The following SEC14L2 variants were observed in gnomAD, a reference collection of about 807,000 sequenced individuals.
SEC14L2 encodes the protein SEC14 like lipid binding 2, also known as SEC14-like protein 2.
SEC14L2 carries 50 observed loss-of-function variants against 56.9 expected under a neutral mutation model. The observed-to-expected ratio is 0.88, with a 90% confidence interval of 0.70 to 1.11. The LOEUF is 1.11. Ranked by LOEUF, SEC14L2 falls within the 50% of genes most tolerant of loss-of-function variation. SEC14L2 has a pLI of 0.00. For synonymous variants in SEC14L2, 179 were observed against 188.5 expected (o/e 0.95, Z 0.41); for missense variants, 414 against 500.7 (o/e 0.83, Z 1.65).
intron 5 of SEC14L2, 31 bp from the exon 6 acceptor site, chr22:30,409,156 G>A: frequency 1.3e-6 from 2 of 1,598,520 alleles, no homozygotes; most frequent in Admixed American, 1.7e-5. Flanking sequence ...AGGACAGCCT[G>A]ACAAGACTTC....
Position 30,399,669 on chromosome 22 carries a change from G to A in SEC14L2, c.81G>A (p.Leu27=), listed in dbSNP as rs758994752. ...TTCGGGAGAATGTCCAGGATGTGCT[G>A]CCGGCCCTGCCGAATCCAGATGACT... is the stretch of plus-strand genomic sequence containing the variant. ...AKFRENVQDV[L]PALPNPDDYF... Residue 27 remains leucine (L), a synonymous_variant, in exon 2 of 12, where the codon CTG becomes CTA. Coordinates refer to ENST00000615189, the MANE Select transcript of SEC14L2 (RefSeq NM_012429.5). 1.1e-5 allele frequency: 17 copies of A among 1,613,782 alleles called. No homozygotes were observed. The highest frequency in any genetic ancestry group is 1.4e-5 in the Non-Finnish European group (16 of 1,179,916).
At chr22:30,408,827 G>T (rs1934168516) in intron 5 of SEC14L2, among the ~76,000 whole-genome samples, 1 of 152,216 alleles carries the variant, frequency 6.6e-6, no homozygotes, top group Non-Finnish European at 1.5e-5. Flanking sequence ...AGGGTTCAGG[G>T]TGCACAGAAC....
chr22:30,415,697 T>C (rs1828466402), intron 8 of SEC14L2, 62 bp from the exon 9 acceptor site: 1 of 1,448,920 alleles, frequency 6.9e-7, no homozygotes, highest in South Asian at 1.2e-5. Flanking sequence ...ACCACTAGGG[T>C]TATGGCGAAA....
At chr22:30,403,280 G>A (rs1044858369) in intron 2 of SEC14L2, among the ~76,000 whole-genome samples, 4 of 152,238 alleles carry the variant, frequency 2.6e-5, no homozygotes, top group East Asian at 1.9e-4. Context: ...GAGCAGGTCC[G>A]CAAGTCTCCT....
intron 11 of SEC14L2, among the ~76,000 whole-genome samples, chr22:30,419,658 AGT>A (rs1934466447): frequency 6.6e-6 from 1 of 152,212 alleles, no homozygotes; most frequent in Admixed American, 6.5e-5. Flanking sequence ...TACAGCAAAT[AGT>A]GTCTAAAATG....
Position 30,400,958 on chromosome 22 carries a change from A to G in SEC14L2, c.130+1240A>G, listed in dbSNP as rs1379256791. 8.4e-5 allele frequency among the ~76,000 whole-genome samples: 12 copies of G among 142,884 alleles called. No individual in the cohort carries two copies. In the Admixed American group the frequency reaches 8.5e-4, roughly 10 times the overall value. The allele number at this position is 142,884 out of a possible 152,430, so 93.7% of individuals were successfully genotyped here. On this transcript the variant is annotated intron_variant, in intron 2 of 11. Transcript: ENST00000615189. ...CTTTTTTTTTTTCTTTTTAGTAGAGACCTAGGTTTCACGTTGGCCAGGCTG... is the reference window on the plus strand; with the variant it reads ...CTTTTTTTTTTTCTTTTTAGTAGAGGCCTAGGTTTCACGTTGGCCAGGCTG...
At chr22:30,414,424 A>G (rs953603486) in intron 8 of SEC14L2, among the ~76,000 whole-genome samples, 1 of 152,032 alleles carries the variant, frequency 6.6e-6, no homozygotes, top group Non-Finnish European at 1.5e-5. Context: ...GAGGGGGGAG[A>G]TTCACTCGGG....
chr22:30,425,242 G>A lies in SEC14L2; in HGVS notation c.*2835G>A, dbSNP rs374380850. 6.6e-4 allele frequency: 121 copies of A among 183,814 alleles called. No homozygotes were observed. Among genetic ancestry groups the A allele is most frequent in the African/African-American group, 2.6e-3 (111 of 42,294 alleles). 11.4% of individuals were successfully genotyped at this position (183,814 alleles called of 1,614,324 possible). ...GAGGGTTTCAGGTGTAAGACATGGA[G>A]AGTCCTTTAGCGAACATGTAGACTG... is the stretch of plus-strand genomic sequence containing the variant. On this transcript the variant is annotated 3_prime_UTR_variant, in exon 12 of 12. Transcript: ENST00000615189.
At chr22:30,410,795 G>A in intron 8 of SEC14L2, 116 bp downstream of exon 8, 1 of 945,140 alleles carries the variant, frequency 1.1e-6, no homozygotes, top group East Asian at 2.5e-5. Context: ...TAGTTTGGGA[G>A]CAGTGGGACC....
intron 2 of SEC14L2, among the ~76,000 whole-genome samples, chr22:30,401,183 A>G (rs1933921175): frequency 6.9e-6 from 1 of 145,640 alleles, no homozygotes; most frequent in African/African-American, 2.5e-5. Context: ...CCTGGTCTCA[A>G]GTGATTTATT....
rs1934597921 is a variant in SEC14L2 at position 30,423,960 on chromosome 22, A to G, written c.*1553A>G. Reference sequence around the variant, plus strand: ...CGTTTCACGCCAATAGATAGGGCGCATGCGCAGAAATCCTCCTCGGCTCTC... The same window carrying G: ...CGTTTCACGCCAATAGATAGGGCGCGTGCGCAGAAATCCTCCTCGGCTCTC... On this transcript the variant is annotated 3_prime_UTR_variant, in exon 12 of 12. Transcript: ENST00000615189. The G allele has an allele frequency of 6.6e-6, 1 of 152,306 alleles. No homozygotes were observed. Among genetic ancestry groups the G allele is most frequent in the Non-Finnish European group, 1.5e-5 (1 of 68,050 alleles). The allele number at this position is 152,306 out of a possible 1,614,324, so 9.4% of individuals were successfully genotyped here.
intron 1 of SEC14L2, chr22:30,398,512 GGAGT>G: frequency 2.8e-6 from 1 of 360,996 alleles, no homozygotes; most frequent in Non-Finnish European, 5.6e-6. Context: ...CGCCTACCAG[GGAGT>G]GAGAGGTTGG....
intron 2 of SEC14L2, among the ~76,000 whole-genome samples, chr22:30,404,887 T>C (rs1934049050): frequency 6.6e-6 from 1 of 152,070 alleles, no homozygotes; most frequent in African/African-American, 2.4e-5. Context: ...CTGGCCAACA[T>C]GGTGAAACCC....
chr22:30,405,370 A>T (rs938304685), intron 2 of SEC14L2, among the ~76,000 whole-genome samples: 2 of 152,230 alleles, frequency 1.3e-5, no homozygotes, highest in African/African-American at 2.4e-5. Context: ...ACTCAGTATC[A>T]ATCAGCTGAG....
intron 8 of SEC14L2, among the ~76,000 whole-genome samples, chr22:30,414,040 A>G (rs1471035576): frequency 6.6e-6 from 1 of 152,094 alleles, no homozygotes; most frequent in Non-Finnish European, 1.5e-5. Context: ...TATGTTGCCC[A>G]GGTTGATCTT....
At chr22:30,399,781 C>A in intron 2 of SEC14L2, 63 bp downstream of exon 2, 1 of 1,431,090 alleles carries the variant, frequency 7.0e-7, no homozygotes, top group Non-Finnish European at 9.6e-7. Context: ...AGAATAGCAC[C>A]CTCTGAAAAC....
At chr22:30,416,877 A>C (rs1180327316) in intron 11 of SEC14L2, 1 of 1,021,728 alleles carries the variant, frequency 9.8e-7, no homozygotes, top group African/African-American at 1.7e-5. Flanking sequence ...ATGAGCAGGC[A>C]GTTTACACAA....
At chr22:30,407,223 C>T in intron 4 of SEC14L2, 69 bp downstream of exon 4, 1 of 1,574,270 alleles carries the variant, frequency 6.4e-7, no homozygotes, top group Non-Finnish European at 8.7e-7. Flanking sequence ...GTCCTGGATC[C>T]ACTGGATTTG....
intron 1 of SEC14L2, 79 bp downstream of exon 1, chr22:30,397,249 T>A: frequency 8.8e-7 from 1 of 1,131,528 alleles, no homozygotes; most frequent in East Asian, 3.1e-5. Context: ...GGGACGGGGC[T>A]GGGTGGGGGC....
Sources: gnomAD v4.1 joint callset for allele counts (sites outside exome capture counted in the v4.1 genomes callset) on GRCh38, gnomAD v4.1.1 for gene constraint, MANE v1.5 for transcripts, NCBI Gene and HGNC (gene_info 2026-07-23, HGNC 2026-07-21) for gene names.